The following PDE1A variants were observed in gnomAD, a reference collection of about 807,000 sequenced individuals.
PDE1A encodes phosphodiesterase 1A.
A neutral mutation model predicts 61.7 loss-of-function variants in PDE1A; 35 were observed. The observed-to-expected ratio is 0.57, with a 90% CI of 0.43 to 0.75. The LOEUF (loss-of-function observed/expected upper bound fraction) is 0.75. PDE1A is among the 30% of genes least tolerant of loss of function. The pLI is 0.00. For synonymous variants in PDE1A, 232 were observed against 213.2 expected (o/e 1.09, Z -0.77); for missense variants, 597 against 630.6 (o/e 0.95, Z 0.57).
At chr2:182,518,156 T>A (rs186174783) in intron 2 of PDE1A, among the ~76,000 whole-genome samples, 2 of 152,334 alleles carry the variant, frequency 1.3e-5, no homozygotes, top group Non-Finnish European at 1.5e-5. Flanking sequence ...TTATCTATAA[T>A]GCACCTTCAT....
intron 7 of PDE1A, among the ~76,000 whole-genome samples, chr2:182,206,387 A>T (rs1687104006): frequency 6.6e-6 from 1 of 152,184 alleles, no homozygotes; most frequent in Non-Finnish European, 1.5e-5. Flanking sequence ...ACAATTGATG[A>T]ACCTACATAG....
At chr2:182,214,791 C>T (rs1688012750) in intron 7 of PDE1A, among the ~76,000 whole-genome samples, 1 of 120,050 alleles carries the variant, frequency 8.3e-6, no homozygotes, top group South Asian at 3.0e-4. Flanking sequence ...TACAAAGAGA[C>T]TTAGACTCCC....
At chr2:182,474,536 T>C (rs76820456) in intron 2 of PDE1A, among the ~76,000 whole-genome samples, 2,750 of 151,990 alleles carry the variant, frequency 0.018, 39 homozygotes, top group Non-Finnish European at 0.029. Context: ...ACCCTGGTAT[T>C]TTTTAACATA....
chr2:182,674,036 G>A, the PDE1A span, among the ~76,000 whole-genome samples: 1 of 144,992 alleles, frequency 6.9e-6, no homozygotes, highest in South Asian at 2.2e-4. Context: ...ATTGATTTAA[G>A]CCTAATGGTA....
chr2:182,381,986 T>C (rs1030375267), intron 1 of PDE1A, among the ~76,000 whole-genome samples: 4 of 152,166 alleles, frequency 2.6e-5, no homozygotes, highest in East Asian at 1.9e-4. Context: ...TCTGTAACAA[T>C]TATTATTTGC....
chr2:182,202,087 T>A (rs1686706563), intron 8 of PDE1A, among the ~76,000 whole-genome samples: 1 of 152,192 alleles, frequency 6.6e-6, no homozygotes, highest in African/African-American at 2.4e-5. Context: ...TCCTAAATAT[T>A]ATTATTTTTA....
the PDE1A span, among the ~76,000 whole-genome samples, chr2:182,532,119 A>AT: frequency 1.3e-3 from 191 of 151,664 alleles, no homozygotes; most frequent in African/African-American, 4.4e-3. Flanking sequence ...GGTAAAAAAA[A>AT]TTTTTTTAAA....
At chr2:182,620,814 C>G in the PDE1A span, among the ~76,000 whole-genome samples, 1 of 152,062 alleles carries the variant, frequency 6.6e-6, no homozygotes, top group African/African-American at 2.4e-5. Context: ...CATTTGAGTT[C>G]GCAACTCCAG....
intron 1 of PDE1A, among the ~76,000 whole-genome samples, chr2:182,361,529 A>C (rs1699507734): frequency 6.6e-6 from 1 of 152,104 alleles, no homozygotes; most frequent in Non-Finnish European, 1.5e-5. Flanking sequence ...TATTTAGAGG[A>C]TAAGGAAAAA....
chr2:182,542,719 C>T, the PDE1A span, among the ~76,000 whole-genome samples: 162 of 152,188 alleles, frequency 1.1e-3, no homozygotes, highest in African/African-American at 3.5e-3. Flanking sequence ...TTTACGTCAA[C>T]GAATGATAAA....
chr2:182,331,705 G>A (rs920322542), intron 1 of PDE1A, among the ~76,000 whole-genome samples: 3 of 152,202 alleles, frequency 2.0e-5, no homozygotes, highest in African/African-American at 7.2e-5. Flanking sequence ...TAAGGTTTCT[G>A]CTGAGAGATC....
chr2:182,393,253 T>C (rs1701520354), intron 1 of PDE1A, among the ~76,000 whole-genome samples: 1 of 152,214 alleles, frequency 6.6e-6, no homozygotes, highest in South Asian at 2.1e-4. Context: ...GCCACCAAGG[T>C]TTGGGGCTTG....
chr2:182,627,363 A>C, the PDE1A span, among the ~76,000 whole-genome samples: 1 of 120,740 alleles, frequency 8.3e-6, no homozygotes, highest in Admixed American at 1.1e-4. Context: ...TATAATATAT[A>C]TATTTAATAT....
the PDE1A span, among the ~76,000 whole-genome samples, chr2:182,608,190 T>C: frequency 5.9e-5 from 9 of 152,226 alleles, no homozygotes; most frequent in Admixed American, 2.6e-4. Context: ...TGCGGGGTTA[T>C]AGAAACCAGG....
the PDE1A span, among the ~76,000 whole-genome samples, chr2:182,568,567 G>A: frequency 2.6e-5 from 4 of 152,078 alleles, no homozygotes; most frequent in African/African-American, 9.7e-5. Context: ...TCGGAAGGCT[G>A]AGGCAGGAGA....
chr2:182,592,050 T>A, the PDE1A span, among the ~76,000 whole-genome samples: 1 of 152,172 alleles, frequency 6.6e-6, no homozygotes, highest in Non-Finnish European at 1.5e-5. Context: ...GATTAGAGTA[T>A]TTCAAATGTT....
chr2:182,712,765 C>A, the PDE1A span, among the ~76,000 whole-genome samples: 6 of 151,978 alleles, frequency 3.9e-5, no homozygotes. Flanking sequence ...ACTGTGTTAG[C>A]CAGGATGGTC....
chr2:182,654,460 G>T, the PDE1A span, among the ~76,000 whole-genome samples: 1 of 152,070 alleles, frequency 6.6e-6, no homozygotes, highest in Non-Finnish European at 1.5e-5. Context: ...GATATATTTA[G>T]GTCAGGACTC....
the PDE1A span, among the ~76,000 whole-genome samples, chr2:182,589,251 A>AG: frequency 9.2e-6 from 1 of 108,480 alleles, no homozygotes; most frequent in Non-Finnish European, 2.0e-5. Flanking sequence ...AAAAAAGAAA[A>AG]GAAGGAAGGG....
Sources: gnomAD v4.1 joint callset for allele counts (sites outside exome capture counted in the v4.1 genomes callset) on GRCh38, gnomAD v4.1.1 for gene constraint, MANE v1.5 for transcripts, NCBI Gene and HGNC (gene_info 2026-07-23, HGNC 2026-07-21) for gene names.